The following PRMT5 variants were observed in gnomAD, a reference collection of about 807,000 sequenced individuals.
PRMT5 encodes protein arginine N-methyltransferase 5.
PRMT5 carries 15 observed loss-of-function variants against 84.0 expected under a neutral mutation model. That is an observed-to-expected ratio of 0.18 (90% CI 0.12 to 0.28). The LOEUF (loss-of-function observed/expected upper bound fraction) is 0.28. Ranked by LOEUF, PRMT5 falls within the 10% of genes least tolerant of loss-of-function variation. The probability of loss-of-function intolerance (pLI) is 1.00; values close to 1 mark genes in which losing one functional copy is unlikely to be tolerated. For synonymous variants in PRMT5, 276 were observed against 292.4 expected, an observed-to-expected ratio of 0.94 and a Z score of 0.57; for missense variants, 486 against 808.0, an observed-to-expected ratio of 0.60 and a Z score of 4.83.
intron 4 of PRMT5, among the ~76,000 whole-genome samples, chr14:22,927,072 C>CGCAATACT (rs1566635471): frequency 6.6e-6 from 1 of 150,674 alleles, no homozygotes; most frequent in Non-Finnish European, 1.5e-5. Context: ...TGGAGAGGTG[C>CGCAATACT]GCAATACTGA....
At chr14:22,927,937 G>C (rs1283197251) in intron 3 of PRMT5, among the ~76,000 whole-genome samples, 189 bp downstream of exon 3, 1 of 151,882 alleles carries the variant, frequency 6.6e-6, no homozygotes, top group Non-Finnish European at 1.5e-5. Context: ...TCGAAATCCC[G>C]AGCTCCAGTG....
At chr14:22,922,623 G>T in intron 14 of PRMT5, 64 bp from the exon 15 acceptor site, 1 of 1,520,270 alleles carries the variant, frequency 6.6e-7, no homozygotes, top group Non-Finnish European at 9.1e-7. Context: ...GATAAAGCAT[G>T]AGCAAGACCC....
rs1215398811 is a variant in PRMT5, at chr14:22,928,241, A to G, written c.230-30T>C. On this transcript the variant is annotated intron_variant, in intron 2 of 16. Transcript: ENST00000324366. The surrounding 1 kb of genome is among the most constrained non-coding windows in gnomAD (Gnocchi z 4.8). ...ACTCCCCCACCCAAGAAAGACAAAT[A>G]CTGAATAAGGTTCAGCACTTTACTT... The G allele has an allele frequency of 6.2e-7, 1 of 1,603,288 alleles. No individual in the cohort carries two copies. The highest frequency in any genetic ancestry group is 1.3e-5 in the African/African-American group (1 of 74,542).
Position 22,920,829 on chromosome 14 carries a change from A to ATG in PRMT5, c.*73_*74dup. On this transcript the variant is annotated 3_prime_UTR_variant, in exon 17 of 17. Coordinates refer to ENST00000324366, the MANE Select transcript of PRMT5 (RefSeq NM_006109.5). Reference sequence around the variant, plus strand: ...GGGCAAGGGGAATCACAGCCCATAGATGTACTGCACCTTCTGTACTACAGG... The same window carrying ATG: ...GGGCAAGGGGAATCACAGCCCATAGATGTGTACTGCACCTTCTGTACTACAGG... The ATG allele has an allele frequency of 6.3e-7, 1 of 1,588,098 alleles. No homozygotes were observed. Among genetic ancestry groups the ATG allele is most frequent in the Non-Finnish European group, 8.6e-7 (1 of 1,156,808 alleles).
chr14:22,923,991 C>T lies in PRMT5; in HGVS notation c.1375+17G>A, dbSNP rs751171872. The T allele has an allele frequency of 1.3e-6, 2 of 1,540,166 alleles. No homozygotes were observed. Among genetic ancestry groups the T allele is most frequent in the Non-Finnish European group, 1.7e-6 (2 of 1,146,144 alleles). ...CACCCATCATCACCCTCCACCTACACCCCAACCTGGGGGCACCTTTTAGGA... is the reference window on the plus strand; with the variant it reads ...CACCCATCATCACCCTCCACCTACATCCCAACCTGGGGGCACCTTTTAGGA... On this transcript the variant is annotated intron_variant, in intron 12 of 16. Coordinates refer to ENST00000324366, the MANE Select transcript of PRMT5 (RefSeq NM_006109.5). The surrounding 1 kb of genome is among the most constrained non-coding windows in gnomAD (Gnocchi z 5.2).
At position 22,920,734 on chromosome 14, in the gene PRMT5, G is replaced by A; in HGVS notation, c.*170C>T. The A allele has an allele frequency of 1.0e-6, 1 of 993,096 alleles. No individual in the cohort carries two copies. The highest frequency in any genetic ancestry group is 1.6e-6 in the Non-Finnish European group (1 of 633,772). 61.5% of individuals were successfully genotyped at this position (993,096 alleles called of 1,614,324 possible). Reference sequence around the variant, plus strand: ...TTCATAGATTGGTGGCTTGAGCCCTGCAATTAATTATAATCCCTTGCCCAC... The same window carrying A: ...TTCATAGATTGGTGGCTTGAGCCCTACAATTAATTATAATCCCTTGCCCAC... On this transcript the variant is annotated 3_prime_UTR_variant, in exon 17 of 17. Transcript: ENST00000324366.
At chr14:22,922,654 G>T in intron 14 of PRMT5, 88 bp downstream of exon 14, 1 of 1,514,112 alleles carries the variant, frequency 6.6e-7, no homozygotes, top group East Asian at 2.3e-5. Context: ...GAGTAGATAA[G>T]GCAGACTAGG....
At position 22,923,123 on chromosome 14, in the gene PRMT5, A is replaced by G. The variant is rs781752282; in HGVS notation, c.1413T>C (p.Phe471=). ...GCTTGGAGGAAGAGATGGGAGCCAG[A>G]AAGGAAGTGTACTCCCCGGGGATGC... ...GVSIPGEYTS[F]LAPISSSKLY... The change falls in exon 13 of 17, where the codon TTT becomes TTC. Residue 471 remains phenylalanine (F), a synonymous_variant. Transcript: ENST00000324366. The surrounding 1 kb of genome is among the most constrained non-coding windows in gnomAD (Gnocchi z 5.2). 13 of 1,613,698 alleles carry G rather than the reference A, an allele frequency of 8.1e-6. No individual in the cohort carries two copies. Among genetic ancestry groups the G allele is most frequent in the Admixed American group, 1.7e-5 (1 of 59,826 alleles).
chr14:22,923,194 G>A lies in PRMT5; in HGVS notation c.1376-34C>T, dbSNP rs1378745042. The stretch of plus-strand genomic sequence containing the variant: ...CAGGAGAGTCAAATTAGTTCCAGAG[G>A]GAGGGAAATGGTATGTCTGTACTAA... On this transcript the variant is annotated intron_variant, in intron 12 of 16. Coordinates refer to ENST00000324366, the MANE Select transcript of PRMT5 (RefSeq NM_006109.5). The surrounding 1 kb of genome is among the most constrained non-coding windows in gnomAD (Gnocchi z 5.2). 6.7e-7 allele frequency: 1 copy of A among 1,488,192 alleles called. No individual in the cohort carries two copies. Among genetic ancestry groups the A allele is most frequent in the Non-Finnish European group, 9.2e-7 (1 of 1,081,960 alleles). 92.2% of individuals were successfully genotyped at this position (1,488,192 alleles called of 1,614,324 possible).
rs1011469134 is a variant in PRMT5 at position 22,926,973 on chromosome 14, T to C, written c.451-159A>G. 8.3e-6 allele frequency: 5 copies of C among 605,618 alleles called. No individual in the cohort carries two copies. The African/African-American group carries it at 9.3e-5, about 11-fold the overall frequency. 37.5% of individuals were successfully genotyped at this position (605,618 alleles called of 1,614,324 possible). A position where few individuals can be genotyped will look rare whatever the true frequency, so the allele number is the denominator to read the frequency against. ...AGTGAACATGTACCTTATATATAGA[T>C]CCTTATGTAAATATCTGCCTTGTCT... On this transcript the variant is annotated intron_variant, in intron 4 of 16. Coordinates refer to ENST00000324366, the MANE Select transcript of PRMT5 (RefSeq NM_006109.5).
At position 22,926,166 on chromosome 14, in the gene PRMT5, C is replaced by T. The variant is rs75079034; in HGVS notation, c.744G>A (p.Lys248=). ...TNKKGFPVLS[K]MHQRLIFRLL... is the part of the protein sequence containing the mutation. The stretch of plus-strand genomic sequence containing the variant: ...GCCGGAAGATGAGCCTCTGGTGCAT[C>T]TTAGAAAGAACAGGAAATCCCTTCT... Residue 248 remains lysine, a synonymous_variant, in exon 7 of 17, where the codon AAG becomes AAA. Transcript: ENST00000324366. The T allele has an allele frequency of 1.2e-6, 2 of 1,613,056 alleles. No individual in the cohort carries two copies. Among genetic ancestry groups the T allele is most frequent in the East Asian group, 2.2e-5 (1 of 44,876 alleles).
chr14:22,921,842 A>G (rs1192388975), intron 16 of PRMT5, among the ~76,000 whole-genome samples: 1 of 148,372 alleles, frequency 6.7e-6, no homozygotes, highest in Non-Finnish European at 1.5e-5. Context: ...AAATTGTGCC[A>G]CTGCACTCCA....
chr14:22,927,438 C>G, intron 4 of PRMT5, 88 bp downstream of exon 4: 1 of 1,548,506 alleles, frequency 6.5e-7, no homozygotes, highest in Non-Finnish European at 8.9e-7. Context: ...GCCAAACACA[C>G]CCTTCACTGA....
In PRMT5 at chr14:22,923,908, G is replaced by T; in HGVS notation, c.1375+100C>A. The T allele has an allele frequency of 7.5e-7, 1 of 1,338,836 alleles. No homozygotes were observed. Among genetic ancestry groups the T allele is most frequent in the Non-Finnish European group, 1.0e-6 (1 of 988,184 alleles). 82.9% of individuals were successfully genotyped at this position (1,338,836 alleles called of 1,614,324 possible). A position where few individuals can be genotyped will look rare whatever the true frequency, so the allele number is the denominator to read the frequency against. On this transcript the variant is annotated intron_variant, in intron 12 of 16. Transcript: ENST00000324366. The surrounding 1 kb of genome is among the most constrained non-coding windows in gnomAD (Gnocchi z 5.2). ...AGTGGCTCTCAAACTCATATGATGT[G>T]ACCCAGGTCCAACCCACTTTCCCCT...
chr14:22,927,581 G>C lies in PRMT5; in HGVS notation c.395C>G (p.Thr132Ser). Residue 132 changes from threonine to serine, a missense_variant, in exon 4 of 17, where the codon ACC (threonine) becomes AGC (serine). By Grantham distance (58) the Thr-to-Ser change is moderately conservative. Transcript: ENST00000324366. ...GTTGGTCAAAACTCTGGCCAGGTTG[G>C]TGTTATCTTCCTGATTAAGGGGCAG... ...FLLPLNQEDNTNLARVLTNHI... is the reference protein window; with the variant it reads ...FLLPLNQEDNSNLARVLTNHI... The C allele has an allele frequency of 6.2e-7, 1 of 1,614,122 alleles. No homozygotes were observed. The highest frequency in any genetic ancestry group is 8.5e-7 in the Non-Finnish European group (1 of 1,180,024).
Position 22,928,485 on chromosome 14 carries a change from G to A in PRMT5, c.229+12C>T. ...CCTCTAATAATTAAGGGGCATATGG[G>A]ATGGTCCCTACCCCTTCCTGACAGC... On this transcript the variant is annotated intron_variant, in intron 2 of 16. Coordinates refer to ENST00000324366, the MANE Select transcript of PRMT5 (RefSeq NM_006109.5). This position sits in a 1 kb window ranked among gnomAD's most constrained non-coding sequence, Gnocchi z 4.8. The A allele has an allele frequency of 6.3e-7, 1 of 1,580,740 alleles. No individual in the cohort carries two copies.
Position 22,927,549 on chromosome 14 carries a change from G to A in PRMT5, c.427C>T (p.His143Tyr). ...NLARVLTNHI[H>Y]TGHHSSMFWM... is the part of the protein sequence containing the mutation. ...ACCATGGAAGAGTGATGGCCAGTGT[G>A]GATGTGGTTGGTCAAAACTCTGGCC... is the stretch of plus-strand genomic sequence containing the variant. Residue 143 changes from histidine (H) to tyrosine (Y), a missense_variant, in exon 4 of 17, where the codon CAC (histidine) becomes TAC (tyrosine). Physicochemically the swap from His to Tyr is moderately conservative, Grantham distance 83. Transcript: ENST00000324366. 1 of 1,614,006 alleles carries A rather than the reference G, an allele frequency of 6.2e-7. No individual in the cohort carries two copies. Among genetic ancestry groups the A allele is most frequent in the Non-Finnish European group, 8.5e-7 (1 of 1,179,994 alleles).
Position 22,923,017 on chromosome 14 carries a change from G to A in PRMT5, c.1485+34C>T. The A allele has an allele frequency of 6.6e-7, 1 of 1,516,300 alleles. No homozygotes were observed. The highest frequency in any genetic ancestry group is 9.1e-7 in the Non-Finnish European group (1 of 1,096,830). The allele number at this position is 1,516,300 out of a possible 1,614,324, so 93.9% of individuals were successfully genotyped here. On this transcript the variant is annotated intron_variant, in intron 13 of 16. Coordinates refer to ENST00000324366, the MANE Select transcript of PRMT5 (RefSeq NM_006109.5). The surrounding 1 kb of genome is among the most constrained non-coding windows in gnomAD (Gnocchi z 5.2). ...TACAGAAAAAGAAGAGGACTAAAGA[G>A]TACCACTTCTTTCCAGAGAGAGTGG... is the stretch of plus-strand genomic sequence containing the variant.
In PRMT5 at chr14:22,924,626, C is replaced by T. The variant is rs757056444; in HGVS notation, c.1017+6G>A. 4 of 1,613,954 alleles carry T rather than the reference C, an allele frequency of 2.5e-6. No homozygotes were observed. The East Asian group carries it at 6.7e-5, about 27-fold the overall frequency. ...TGCTTTCCTCACCCTGGGCACCACA[C>T]AGTACCTGCTGGTACTGAGAGTATT... On this transcript the variant is annotated splice_donor_region_variant and intron_variant, in intron 9 of 16. Transcript: ENST00000324366. This position sits in a 1 kb window ranked among gnomAD's most constrained non-coding sequence, Gnocchi z 6.5.
Sources: gnomAD v4.1 joint callset for allele counts (sites outside exome capture counted in the v4.1 genomes callset) on GRCh38, gnomAD v4.1.1 for gene constraint, Gnocchi (gnomAD v3.1) non-coding constraint, MANE v1.5 for transcripts, NCBI Gene and HGNC (gene_info 2026-07-23, HGNC 2026-07-21) for gene names.